The following PACC1 variants were observed in gnomAD, a reference collection of about 807,000 sequenced individuals.
PACC1 encodes proton activated chloride channel 1, also known as proton-activated chloride channel.
In PACC1, 34 loss-of-function variants were observed where a neutral mutation model predicts 39.7. The ratio of observed to expected loss-of-function variants is 0.86; its 90% CI spans 0.65 to 1.14. PACC1 has a LOEUF of 1.14. Among genes scored for constraint, PACC1 ranks in the 50% most tolerant of loss-of-function variants. The pLI is 0.00. For synonymous variants in PACC1, 127 were observed against 160.6 expected (o/e 0.79, Z 1.58); for missense variants, 379 against 436.4 (o/e 0.87, Z 1.17).
intron 4 of PACC1, 76 bp from the exon 5 acceptor site, chr1:212,380,113 T>C (rs1466799369): frequency 6.6e-7 from 1 of 1,507,348 alleles, no homozygotes; most frequent in Non-Finnish European, 9.0e-7. Flanking sequence ...GCAGAAGTAC[T>C]GACTGGAAAG....
chr1:212,381,683 C>CACAG (rs1553281010), intron 4 of PACC1, among the ~76,000 whole-genome samples: 7 of 98,066 alleles, frequency 7.1e-5, no homozygotes, highest in Non-Finnish European at 1.2e-4. Context: ...CACAGACACA[C>CACAG]ACACACACAC....
intron 2 of PACC1, among the ~76,000 whole-genome samples, chr1:212,402,944 G>A (rs554337047): frequency 5.3e-5 from 8 of 152,214 alleles, no homozygotes; most frequent in South Asian, 4.2e-4. Flanking sequence ...GTGATCAACC[G>A]TGCCCAGCCA....
intron 7 of PACC1, among the ~76,000 whole-genome samples, chr1:212,369,503 A>G (rs1246853495): frequency 6.6e-6 from 1 of 152,110 alleles, no homozygotes; most frequent in African/African-American, 2.4e-5. Context: ...GAGACAGGCC[A>G]GGCGTGATGG....
intron 1 of PACC1, chr1:212,413,873 G>C (rs1439020992): frequency 6.6e-7 from 1 of 1,524,112 alleles, no homozygotes; most frequent in Non-Finnish European, 8.8e-7. Flanking sequence ...GCAAACACAG[G>C]GACACAAACT....
At chr1:212,397,746 G>C (rs1228721331) in intron 2 of PACC1, among the ~76,000 whole-genome samples, 1 of 152,208 alleles carries the variant, frequency 6.6e-6, no homozygotes, top group Non-Finnish European at 1.5e-5. Flanking sequence ...ACAGGGAGAA[G>C]GGCAGTTATC....
intron 2 of PACC1, among the ~76,000 whole-genome samples, chr1:212,393,250 T>G (rs1284071181): frequency 6.6e-6 from 1 of 152,184 alleles, no homozygotes; most frequent in Non-Finnish European, 1.5e-5. Flanking sequence ...CAGACCACAG[T>G]GCAATCAAAC....
At chr1:212,399,946 G>C (rs1047841870) in intron 2 of PACC1, among the ~76,000 whole-genome samples, 24 of 152,044 alleles carry the variant, frequency 1.6e-4, no homozygotes, top group African/African-American at 5.1e-4. Flanking sequence ...CTGGGGTCCA[G>C]TGATTCTCCT....
At chr1:212,389,833 AGAT>A (rs1401819063) in intron 2 of PACC1, among the ~76,000 whole-genome samples, 3 of 152,348 alleles carry the variant, frequency 2.0e-5, no homozygotes, top group Admixed American at 6.5e-5. Context: ...TTAATGAGTA[AGAT>A]GATGAGTTTT....
At chr1:212,406,037 G>A (rs1399342483) in intron 2 of PACC1, among the ~76,000 whole-genome samples, 1 of 146,768 alleles carries the variant, frequency 6.8e-6, no homozygotes. Flanking sequence ...AACTACTCGG[G>A]AGGCTGAAAT....
chr1:212,397,026 C>A (rs1409639345), intron 2 of PACC1, among the ~76,000 whole-genome samples: 1 of 151,994 alleles, frequency 6.6e-6, no homozygotes, highest in African/African-American at 2.4e-5. Context: ...TTTTGAAACA[C>A]AATGGCTGAG....
chr1:212,382,252 C>G (rs1337865034), intron 4 of PACC1, among the ~76,000 whole-genome samples: 1 of 151,996 alleles, frequency 6.6e-6, no homozygotes, highest in African/African-American at 2.4e-5. Context: ...ACCATGTTAG[C>G]CAGGATGGTC....
At chr1:212,381,618 C>T (rs941520899) in intron 4 of PACC1, among the ~76,000 whole-genome samples, 1 of 151,744 alleles carries the variant, frequency 6.6e-6, no homozygotes, top group Non-Finnish European at 1.5e-5. Flanking sequence ...CAACTCCACC[C>T]CATTTCCTGA....
At chr1:212,365,426 A>ATTAT in intron 7 of PACC1, 50 bp from the exon 8 acceptor site, 1 of 967,332 alleles carries the variant, frequency 1.0e-6, no homozygotes, top group South Asian at 1.9e-5. Context: ...TTCAGTCTTG[A>ATTAT]TTCTTTTTTT....
At chr1:212,395,114 A>G (rs1301727988) in intron 2 of PACC1, among the ~76,000 whole-genome samples, 2 of 152,202 alleles carry the variant, frequency 1.3e-5, no homozygotes, top group African/African-American at 2.4e-5. Flanking sequence ...ACCAAAAAAG[A>G]GCCCGCATTG....
At chr1:212,392,413 G>C (rs949530239) in intron 2 of PACC1, among the ~76,000 whole-genome samples, 3 of 152,260 alleles carry the variant, frequency 2.0e-5, no homozygotes, top group Non-Finnish European at 4.4e-5. Flanking sequence ...TCACCACCAG[G>C]CCTGCCCTAA....
rs1232930573 is a variant in PACC1 at position 212,385,366 on chromosome 1, T to A, written c.403A>T (p.Ile135Phe). 2 of 1,613,988 alleles carry A rather than the reference T, an allele frequency of 1.2e-6. No homozygotes were observed. Among genetic ancestry groups the A allele is most frequent in the Admixed American group, 1.7e-5 (1 of 60,006 alleles). ...TGGCCAGGGCTTGTCAGAGGAGGAA[T>A]GACCTCGTAATGGTGCTTACAGCTG... ...LLSCKHHYEV[I>F]PPLTSPGQPG... Residue 135 changes from isoleucine to phenylalanine, a missense_variant, in exon 4 of 8, where the codon ATT becomes TTT. Coordinates refer to ENST00000261455, the MANE Select transcript of PACC1 (RefSeq NM_018252.3).
At position 212,414,877 on chromosome 1, in the gene PACC1, C is replaced by A; in HGVS notation, c.-120G>T. On this transcript the variant is annotated 5_prime_UTR_variant, in exon 1 of 8. Coordinates refer to ENST00000261455, the MANE Select transcript of PACC1 (RefSeq NM_018252.3). ...GCGAGGCGAAACCGGTCCGGAGGGG[C>A]GTCCCAGAGACCAGGCGTGGCGATA... is the stretch of plus-strand genomic sequence containing the variant. 4 of 1,333,934 alleles carry A rather than the reference C, an allele frequency of 3.0e-6. No homozygotes were observed. Among genetic ancestry groups the A allele is most frequent in the Admixed American group, 2.1e-5 (1 of 47,044 alleles). 82.6% of individuals were successfully genotyped at this position (1,333,934 alleles called of 1,614,324 possible).
chr1:212,397,114 T>C (rs1428713813), intron 2 of PACC1, among the ~76,000 whole-genome samples: 3 of 151,910 alleles, frequency 2.0e-5, no homozygotes, highest in Non-Finnish European at 4.4e-5. Context: ...TGACACTAGA[T>C]GGTAACTCTC....
At chr1:212,393,388 TGAG>T (rs1661398242) in intron 2 of PACC1, among the ~76,000 whole-genome samples, 1 of 152,084 alleles carries the variant, frequency 6.6e-6, no homozygotes, top group East Asian at 1.9e-4. Flanking sequence ...TTGAAACCAA[TGAG>T]AAGAAAGACA....
Sources: gnomAD v4.1 joint callset for allele counts (sites outside exome capture counted in the v4.1 genomes callset) on GRCh38, gnomAD v4.1.1 for gene constraint, MANE v1.5 for transcripts, NCBI Gene and HGNC (gene_info 2026-07-23, HGNC 2026-07-21) for gene names.